Variants in EXOC4 observed in about 807,000 individuals in gnomAD.
The protein encoded by EXOC4 is exocyst complex component 4.
A neutral mutation model predicts 107.2 loss-of-function variants in EXOC4; 71 were observed. The ratio of observed to expected loss-of-function variants is 0.66; its 90% CI spans 0.55 to 0.81. The LOEUF (loss-of-function observed/expected upper bound fraction) is 0.81. EXOC4 is among the 30% of genes least tolerant of loss of function. The pLI, the probability that EXOC4 is intolerant of heterozygous loss-of-function variation, is 0.00. For synonymous variants in EXOC4, 456 were observed against 441.2 expected (o/e 1.03, Z -0.42); for missense variants, 1,108 against 1,189.6 (o/e 0.93, Z 1.01).
intron 12 of EXOC4, among the ~76,000 whole-genome samples, chr7:133,909,673 T>A (rs1335778029): frequency 2.6e-5 from 4 of 152,128 alleles, no homozygotes; most frequent in Non-Finnish European, 5.9e-5. Context: ...ACTGTGAAAC[T>A]GATGTATTTT....
intron 5 of EXOC4, among the ~76,000 whole-genome samples, chr7:133,353,443 G>A (rs537620074): frequency 6.6e-6 from 1 of 152,028 alleles, no homozygotes; most frequent in Non-Finnish European, 1.5e-5. Context: ...TTGTTTGTTT[G>A]TTTGTTTTGG....
At chr7:133,777,492 T>C (rs1485681280) in intron 10 of EXOC4, among the ~76,000 whole-genome samples, 1 of 152,218 alleles carries the variant, frequency 6.6e-6, no homozygotes, top group South Asian at 2.1e-4. Context: ...ATGTGAGAAG[T>C]TGCTACTCTA....
chr7:133,743,650 T>C (rs1385255762), intron 10 of EXOC4, among the ~76,000 whole-genome samples: 1 of 100,304 alleles, frequency 1.0e-5, no homozygotes, highest in East Asian at 2.4e-4. Flanking sequence ...ATGAAATTAG[T>C]CAAAACCCCC....
chr7:133,338,011 CTTTTT>C (rs35115594), intron 5 of EXOC4, among the ~76,000 whole-genome samples: 1 of 141,260 alleles, frequency 7.1e-6, no homozygotes, highest in Admixed American at 7.0e-5. Context: ...GGTTTTCTTT[CTTTTT>C]TTTTTTTTTA....
At chr7:133,512,729 C>T (rs1378647357) in intron 9 of EXOC4, among the ~76,000 whole-genome samples, 3 of 152,114 alleles carry the variant, frequency 2.0e-5, no homozygotes, top group African/African-American at 4.8e-5. Flanking sequence ...TGTGGTTAAG[C>T]GTGGTATTAG....
intron 9 of EXOC4, among the ~76,000 whole-genome samples, chr7:133,583,698 G>A (rs141099516): frequency 3.9e-5 from 6 of 152,326 alleles, no homozygotes; most frequent in African/African-American, 1.4e-4. Context: ...GCTGAAGGGA[G>A]AGATGGGGAA....
intron 9 of EXOC4, among the ~76,000 whole-genome samples, chr7:133,616,282 C>A (rs1802192945): frequency 6.6e-6 from 1 of 151,796 alleles, no homozygotes; most frequent in African/African-American, 2.4e-5. Flanking sequence ...CTTTTTTATA[C>A]CCTTTTTATA....
At chr7:133,761,817 T>TTAACCTGGGC (rs1485629433) in intron 10 of EXOC4, among the ~76,000 whole-genome samples, 2 of 152,198 alleles carry the variant, frequency 1.3e-5, no homozygotes, top group African/African-American at 4.8e-5. Flanking sequence ...AGCAAATACT[T>TTAACCTGGGC]TCACCTGGGC....
At position 133,995,861 on chromosome 7, in the gene EXOC4, A is replaced by G. The variant is rs146547071; in HGVS notation, c.2207-1631A>G. 5.4e-3 allele frequency among the ~76,000 whole-genome samples: 825 copies of G among 152,298 alleles called. 7 individuals are homozygous for G. Among genetic ancestry groups the G allele is most frequent in the African/African-American group, 0.019 (778 of 41,562 alleles). ...AGAATGGATATAGTGCTGAAAGGTC[A>G]TAAGTGTAGACACTACACACTACAG... On this transcript the variant is annotated intron_variant, in intron 14 of 17. Coordinates refer to ENST00000253861, the MANE Select transcript of EXOC4 (RefSeq NM_021807.4).
chr7:133,616,552 T>C (rs906085235), intron 9 of EXOC4, among the ~76,000 whole-genome samples: 2 of 152,140 alleles, frequency 1.3e-5, no homozygotes, highest in Non-Finnish European at 1.5e-5. Flanking sequence ...AGACTAAAAT[T>C]GCACAGACCT....
intron 10 of EXOC4, among the ~76,000 whole-genome samples, chr7:133,694,652 G>A (rs1484697170): frequency 6.6e-6 from 1 of 152,134 alleles, no homozygotes; most frequent in African/African-American, 2.4e-5. Flanking sequence ...TGCTTACAAT[G>A]TGTAATGATC....
At position 133,703,188 on chromosome 7, in the gene EXOC4, G is replaced by GCA. The variant is rs796268809; in HGVS notation, c.1514+73049_1514+73050dup. Among the ~76,000 whole-genome samples the GCA allele has an allele frequency of 4.5e-4, 69 of 152,216 alleles. 1 individual carries two copies. Among genetic ancestry groups the GCA allele is most frequent in the African/African-American group, 1.5e-3 (62 of 41,520 alleles). ...ACAGGTTAGAAGCTGTGCCAGGCAC[G>GCA]CACCACTGTGTCTTTAGTCACAGTG... On this transcript the variant is annotated intron_variant, in intron 10 of 17. Coordinates refer to ENST00000253861, the MANE Select transcript of EXOC4 (RefSeq NM_021807.4).
chr7:133,566,765 G>GA (rs1467062377), intron 9 of EXOC4, among the ~76,000 whole-genome samples: 3 of 151,912 alleles, frequency 2.0e-5, no homozygotes, highest in Admixed American at 6.6e-5. Context: ...AATATTTGTG[G>GA]AAAAAACAAA....
chr7:133,702,058 T>A (rs1444262735), intron 10 of EXOC4, among the ~76,000 whole-genome samples: 2 of 144,604 alleles, frequency 1.4e-5, no homozygotes, highest in Admixed American at 7.3e-5. Flanking sequence ...TGGAGTACAG[T>A]GTGGTGATCT....
chr7:133,574,189 G>T (rs910650039), intron 9 of EXOC4, among the ~76,000 whole-genome samples: 1 of 152,168 alleles, frequency 6.6e-6, no homozygotes, highest in Admixed American at 6.5e-5. Context: ...AAAAGAGAGT[G>T]TGTGTGTATG....
chr7:133,977,098 T>A (rs1793855105), intron 14 of EXOC4, among the ~76,000 whole-genome samples: 1 of 152,218 alleles, frequency 6.6e-6, no homozygotes, highest in Non-Finnish European at 1.5e-5. Flanking sequence ...GCATGGACTT[T>A]GTTTGGAAGA....
At chr7:133,362,579 T>C (rs1405511394) in intron 6 of EXOC4, among the ~76,000 whole-genome samples, 1 of 152,206 alleles carries the variant, frequency 6.6e-6, no homozygotes, top group Non-Finnish European at 1.5e-5. Context: ...AAAATATACT[T>C]TTGAAATATT....
chr7:133,817,670 T>C (rs1797406064), intron 11 of EXOC4, 126 bp downstream of exon 11: 22 of 657,868 alleles, frequency 3.3e-5, no homozygotes, highest in Non-Finnish European at 5.1e-5. Flanking sequence ...CAAAAGAAAA[T>C]AAATAGGCAC....
intron 9 of EXOC4, among the ~76,000 whole-genome samples, chr7:133,591,683 A>G (rs1010971949): frequency 2.0e-5 from 3 of 152,064 alleles, no homozygotes; most frequent in Non-Finnish European, 2.9e-5. Context: ...AGTGGCCGAT[A>G]TGAATTTGTT....
Sources: allele counts gnomAD v4.1 joint callset (sites outside exome capture counted in the v4.1 genomes callset), GRCh38; gene constraint gnomAD v4.1.1; transcripts MANE v1.5; gene names NCBI Gene and HGNC (gene_info 2026-07-23, HGNC 2026-07-21).